The following CEP57 variants were observed in gnomAD, a reference collection of about 807,000 sequenced individuals.
CEP57 encodes the protein centrosomal protein 57, also known as centrosomal protein of 57 kDa.
Under a neutral mutation model 68.0 loss-of-function variants are expected in CEP57, and 40 were observed. That is an observed-to-expected ratio of 0.59 (90% CI 0.46 to 0.77). CEP57 has a LOEUF of 0.77. Ranked by LOEUF, CEP57 falls within the 30% of genes least tolerant of loss-of-function variation. The probability of loss-of-function intolerance (pLI) is 0.00; values close to 1 mark genes in which losing one functional copy is unlikely to be tolerated. For missense variants in CEP57, 606 were observed against 580.7 expected (o/e 1.04, Z -0.45); for synonymous variants, 219 against 198.7 (o/e 1.10, Z -0.86).
At chr11:95,813,148 A>T in intron 3 of CEP57, 37 bp downstream of exon 3, 3 of 1,586,198 alleles carry the variant, frequency 1.9e-6, no homozygotes, top group Non-Finnish European at 2.6e-6. Flanking sequence ...CTATCAAAAT[A>T]AGTGTTGTGC....
At chr11:95,804,367 A>G (rs1441285161) in intron 2 of CEP57, among the ~76,000 whole-genome samples, 2 of 152,200 alleles carry the variant, frequency 1.3e-5, no homozygotes, top group African/African-American at 4.8e-5. Flanking sequence ...GTAAGGATGG[A>G]ACTAAAGCCT....
At chr11:95,819,972 A>G (rs573577576) in intron 6 of CEP57, among the ~76,000 whole-genome samples, 63 of 152,326 alleles carry the variant, frequency 4.1e-4, no homozygotes, top group Admixed American at 9.2e-4. Context: ...TTGACCAACA[A>G]AATTTCTTTG....
Position 95,813,572 on chromosome 11 carries a change from T to C in CEP57, c.487T>C (p.Ser163Pro). Residue 163 changes from serine to proline, a missense_variant, in exon 4 of 11, where the codon TCT becomes CCT. Ser to Pro is a moderately conservative substitution (Grantham distance 74, BLOSUM62 -1). Transcript: ENST00000325542. ...MIKHAEMERT[S>P]VLEKQVSLER... ...AAAGCATGCCGAAATGGAGAGGACA[T>C]CTGTCTTAGAGAAACAAGTAAGTAA... 4.3e-6 allele frequency: 7 copies of C among 1,613,082 alleles called. No homozygotes were observed. Among genetic ancestry groups the C allele is most frequent in the Non-Finnish European group, 5.9e-6 (7 of 1,179,926 alleles).
At chr11:95,798,850 G>C (rs1488047128) in intron 1 of CEP57, among the ~76,000 whole-genome samples, 2 of 152,180 alleles carry the variant, frequency 1.3e-5, no homozygotes, top group Non-Finnish European at 2.9e-5. Context: ...TGTGGATGGG[G>C]AATAGAGTAA....
Position 95,828,094 on chromosome 11 carries a change from A to C in CEP57, c.1127+67A>C, listed in dbSNP as rs1862830312. 6.1e-5 allele frequency: 93 copies of C among 1,517,218 alleles called. 2 individuals are homozygous for C. The South Asian group carries it at 1.0e-3, about 16-fold the overall frequency. 94.0% of individuals were successfully genotyped at this position (1,517,218 alleles called of 1,614,324 possible). A position where few individuals can be genotyped will look rare whatever the true frequency, so the allele number is the denominator to read the frequency against. On this transcript the variant is annotated intron_variant, in intron 9 of 10. Transcript: ENST00000325542. ...AACCTCATTTTTTAAAAACTTGTTGACTTTATTAAATCTTACTTTCCTTTG... is the reference window on the plus strand; with the variant it reads ...AACCTCATTTTTTAAAAACTTGTTGCCTTTATTAAATCTTACTTTCCTTTG...
At chr11:95,823,896 A>T (rs1408204368) in intron 8 of CEP57, among the ~76,000 whole-genome samples, 1 of 152,138 alleles carries the variant, frequency 6.6e-6, no homozygotes, top group Admixed American at 6.5e-5. Flanking sequence ...AATTTGAATA[A>T]TATCATGGGA....
At chr11:95,803,391 A>G (rs184818384) in intron 2 of CEP57, among the ~76,000 whole-genome samples, 522 of 152,328 alleles carry the variant, frequency 3.4e-3, no homozygotes, top group Non-Finnish European at 5.3e-3. Flanking sequence ...GATGAAGCCT[A>G]TGAGTATAGA....
intron 1 of CEP57, among the ~76,000 whole-genome samples, chr11:95,798,210 A>T (rs915044077): frequency 6.6e-6 from 1 of 152,162 alleles, no homozygotes; most frequent in African/African-American, 2.4e-5. Flanking sequence ...AGTGTGTTTT[A>T]TATTTATATA....
chr11:95,816,225 G>A (rs921012319), intron 4 of CEP57, among the ~76,000 whole-genome samples: 1 of 152,150 alleles, frequency 6.6e-6, no homozygotes, highest in Admixed American at 6.5e-5. Context: ...GCAGAGCAAG[G>A]TGGGGAAAAG....
chr11:95,831,474 C>T lies in CEP57; in HGVS notation c.*218C>T. On this transcript the variant is annotated 3_prime_UTR_variant, in exon 11 of 11. Transcript: ENST00000325542. ...CAGGGGAGTTTTAAAGCCCGAGAAA[C>T]CACACATAATCTTTTGTTGAGATGA... The T allele has an allele frequency of 2.2e-6, 1 of 453,872 alleles. No individual in the cohort carries two copies. Among genetic ancestry groups the T allele is most frequent in the Non-Finnish European group, 4.0e-6 (1 of 251,642 alleles). 28.1% of individuals were successfully genotyped at this position (453,872 alleles called of 1,614,324 possible).
rs766124955 is a variant in CEP57 at position 95,799,328 on chromosome 11, A to T, written c.142A>T (p.Ser48Cys). 6.2e-7 allele frequency: 1 copy of T among 1,614,104 alleles called. No homozygotes were observed. Among genetic ancestry groups the T allele is most frequent in the Admixed American group, 1.7e-5 (1 of 60,024 alleles). ...TCCTTCGGATAAGCCTTTCCTTAAT[A>T]GTGATCTACGACGCTCCCCAAGTAA... ...VYPSDKPFLNSDLRRSPSKPT... is the reference protein window; with the variant it reads ...VYPSDKPFLNCDLRRSPSKPT... The change falls in exon 2 of 11, where the codon AGT becomes TGT. Residue 48 changes from serine (S) to cysteine (C), a missense_variant. By Grantham distance (112) the Ser-to-Cys change is moderately radical. Transcript: ENST00000325542.
rs1862569201 is a variant in CEP57 at position 95,822,773 on chromosome 11, T to C, written c.885+197T>C. On this transcript the variant is annotated intron_variant, in intron 8 of 10. Transcript: ENST00000325542. ...GCAAGGAAGAGATGGGGAGGATACC[T>C]TAAAGTAGATAAAGTATATGTGGAA... is the stretch of plus-strand genomic sequence containing the variant. 5.1e-6 allele frequency: 3 copies of C among 585,622 alleles called. No individual in the cohort carries two copies. The Admixed American group carries it at 8.4e-5, about 16-fold the overall frequency. The allele number at this position is 585,622 out of a possible 1,614,324, so 36.3% of individuals were successfully genotyped here.
chr11:95,818,666 G>A (rs1331849581), intron 5 of CEP57, among the ~76,000 whole-genome samples, 161 bp from the exon 6 acceptor site: 1 of 152,108 alleles, frequency 6.6e-6, no homozygotes, highest in Non-Finnish European at 1.5e-5. Flanking sequence ...CAAAAGGAGA[G>A]CATCATGGAT....
Position 95,831,845 on chromosome 11 carries a change from CTG to C in CEP57, c.*591_*592del, listed in dbSNP as rs1863019570. On this transcript the variant is annotated 3_prime_UTR_variant, in exon 11 of 11. Coordinates refer to ENST00000325542, the MANE Select transcript of CEP57 (RefSeq NM_014679.5). The stretch of plus-strand genomic sequence containing the variant: ...AAGTGCACTTGTATTGCTTTTTAAT[CTG>C]TTAATTTTTTAAAGACCCAAGCAGT... 2 of 151,902 alleles carry C rather than the reference CTG, an allele frequency of 1.3e-5. No individual in the cohort carries two copies. Among genetic ancestry groups the C allele is most frequent in the Non-Finnish European group, 2.9e-5 (2 of 67,952 alleles). 9.4% of individuals were successfully genotyped at this position (151,902 alleles called of 1,614,324 possible).
rs1328939461 is a variant in CEP57 at position 95,832,316 on chromosome 11, TG to T, written c.*1061del. On this transcript the variant is annotated 3_prime_UTR_variant, in exon 11 of 11. Transcript: ENST00000325542. ...GCATTTCTAAATAGGAGGACATCAA[TG>T]TATTGATGAAGAGAAAAAACTAGTA... 1 of 152,144 alleles carries T rather than the reference TG, an allele frequency of 6.6e-6. No individual in the cohort carries two copies. Among genetic ancestry groups the T allele is most frequent in the African/African-American group, 2.4e-5 (1 of 41,436 alleles). 9.4% of individuals were successfully genotyped at this position (152,144 alleles called of 1,614,324 possible). A position where few individuals can be genotyped will look rare whatever the true frequency, so the allele number is the denominator to read the frequency against.
intron 2 of CEP57, among the ~76,000 whole-genome samples, chr11:95,810,645 G>A (rs952989012): frequency 1.3e-5 from 2 of 152,172 alleles, no homozygotes; most frequent in African/African-American, 2.4e-5. Flanking sequence ...TACAAGGGAT[G>A]TGAAGGACCC....
At chr11:95,798,976 G>A (rs528174544) in intron 1 of CEP57, among the ~76,000 whole-genome samples, 10 of 152,252 alleles carry the variant, frequency 6.6e-5, no homozygotes, top group African/African-American at 2.4e-4. Flanking sequence ...TATCATTTAA[G>A]TATTTCTGCA....
chr11:95,801,417 G>A (rs1861572455), intron 2 of CEP57, among the ~76,000 whole-genome samples: 1 of 130,822 alleles, frequency 7.6e-6, no homozygotes, highest in Admixed American at 8.0e-5. Context: ...AAATTAAGTT[G>A]CATGACATTC....
At chr11:95,798,046 A>G (rs753539909) in intron 1 of CEP57, among the ~76,000 whole-genome samples, 15 of 152,194 alleles carry the variant, frequency 9.9e-5, no homozygotes, top group African/African-American at 1.4e-4. Context: ...CCAGATGCCA[A>G]TTTGCCATTA....
Sources: gnomAD v4.1 joint callset for allele counts (sites outside exome capture counted in the v4.1 genomes callset) on GRCh38, gnomAD v4.1.1 for gene constraint, MANE v1.5 for transcripts, NCBI Gene and HGNC (gene_info 2026-07-23, HGNC 2026-07-21) for gene names.